Variants in SHANK2 observed in about 807,000 individuals in gnomAD.
SHANK2 encodes SH3 and multiple ankyrin repeat domains 2, also known as SH3 and multiple ankyrin repeat domains protein 2.
A neutral mutation model predicts 133.7 loss-of-function variants in SHANK2; 43 were observed. That is an observed-to-expected ratio of 0.32 (90% CI 0.25 to 0.41). The LOEUF is 0.41. Among genes scored for constraint, SHANK2 ranks in the 10% least tolerant of loss-of-function variants. SHANK2 has a pLI of 1.00. For missense variants in SHANK2, 1,994 were observed against 2,235.8 expected (o/e 0.89, Z 2.18); for synonymous variants, 1,017 against 952.8 (o/e 1.07, Z -1.24).
rs1010094185 is a variant in SHANK2 at position 70,468,972 on chromosome 11, G to A, written c.*3897C>T. Reference sequence around the variant, plus strand: ...TCTCTTGCTCCAAGCCTTAGCATGTGGTTTGCTTGTCAACCAGAGAGGCGG... The same window carrying A: ...TCTCTTGCTCCAAGCCTTAGCATGTAGTTTGCTTGTCAACCAGAGAGGCGG... On this transcript the variant is annotated 3_prime_UTR_variant, in exon 26 of 26. Transcript: ENST00000601538. 6.6e-6 allele frequency: 1 copy of A among 152,272 alleles called. No individual in the cohort carries two copies. The highest frequency in any genetic ancestry group is 2.1e-4 in the South Asian group (1 of 4,832). The allele number at this position is 152,272 out of a possible 1,614,324, so 9.4% of individuals were successfully genotyped here. A position where few individuals can be genotyped will look rare whatever the true frequency, so the allele number is the denominator to read the frequency against.
At chr11:71,083,098 C>T (rs1951323665) in intron 8 of SHANK2, among the ~76,000 whole-genome samples, 1 of 152,166 alleles carries the variant, frequency 6.6e-6, no homozygotes, top group African/African-American at 2.4e-5. Flanking sequence ...GAATGTGCCA[C>T]CATGCCCTAA....
At chr11:71,162,589 A>C (rs1953043435) in intron 2 of SHANK2, among the ~76,000 whole-genome samples, 1 of 152,260 alleles carries the variant, frequency 6.6e-6, no homozygotes, top group Non-Finnish European at 1.5e-5. Context: ...ATACGTTGGC[A>C]TGTGACAGTG....
At chr11:71,132,001 G>A (rs1244983746) in intron 3 of SHANK2, among the ~76,000 whole-genome samples, 2 of 152,178 alleles carry the variant, frequency 1.3e-5, no homozygotes, top group African/African-American at 4.8e-5. Flanking sequence ...AGTCCAACTC[G>A]ATCCTGGCAG....
chr11:70,547,769 A>G (rs1435359723), intron 17 of SHANK2, among the ~76,000 whole-genome samples: 1 of 152,222 alleles, frequency 6.6e-6, no homozygotes, highest in Non-Finnish European at 1.5e-5. Flanking sequence ...ACTCTACGTA[A>G]TTGTCTTCCA....
chr11:70,616,081 G>A (rs972552319), intron 17 of SHANK2, among the ~76,000 whole-genome samples: 6 of 152,150 alleles, frequency 3.9e-5, no homozygotes, highest in South Asian at 2.1e-4. Flanking sequence ...TGTCCTTGCC[G>A]TTAGGATGCC....
chr11:70,922,757 C>T (rs1555080917), intron 10 of SHANK2, among the ~76,000 whole-genome samples: 1 of 151,870 alleles, frequency 6.6e-6, no homozygotes, highest in African/African-American at 2.4e-5. Flanking sequence ...GAATAAAAAG[C>T]AAATGGAAAA....
rs567150096 is a variant in SHANK2 at position 70,847,518 on chromosome 11, T to C, written c.1175-26836A>G. ...CCAGATCCCCTGCCAGGGAGGGTGC[T>C]GCCCCCCTACCCAACTCAGAATTTT... is the stretch of plus-strand genomic sequence containing the variant. On this transcript the variant is annotated intron_variant, in intron 11 of 25. Coordinates refer to ENST00000601538, the MANE Select transcript of SHANK2 (RefSeq NM_012309.5). 7.2e-5 allele frequency among the ~76,000 whole-genome samples: 11 copies of C among 152,316 alleles called. No individual in the cohort carries two copies. In the South Asian group the frequency reaches 2.1e-3, roughly 29 times the overall value.
chr11:70,574,059 C>T (rs2060085032), intron 17 of SHANK2, among the ~76,000 whole-genome samples: 3 of 152,186 alleles, frequency 2.0e-5, no homozygotes, highest in South Asian at 2.1e-4. Flanking sequence ...CTCCTACCAG[C>T]GCCGAGGGAT....
intron 6 of SHANK2, among the ~76,000 whole-genome samples, chr11:71,098,149 A>C (rs7936096): frequency 0.019 from 2,659 of 139,742 alleles, 72 homozygotes; most frequent in African/African-American, 0.069. Flanking sequence ...GTGTGCATGC[A>C]TGCCTGTGTG....
chr11:71,245,168 T>C (rs1555124805), intron 1 of SHANK2, among the ~76,000 whole-genome samples: 1 of 152,004 alleles, frequency 6.6e-6, no homozygotes, highest in Non-Finnish European at 1.5e-5. Flanking sequence ...TTTGTAGAGA[T>C]GGGGTCTCAT....
chr11:70,624,319 C>T (rs2060874422), intron 17 of SHANK2, among the ~76,000 whole-genome samples: 1 of 152,128 alleles, frequency 6.6e-6, no homozygotes, highest in East Asian at 1.9e-4. Flanking sequence ...AGCAACGCCC[C>T]CAGCCAATCC....
At chr11:71,068,024 A>G (rs1244920299) in intron 9 of SHANK2, among the ~76,000 whole-genome samples, 1 of 151,800 alleles carries the variant, frequency 6.6e-6, no homozygotes, top group East Asian at 1.9e-4. Flanking sequence ...CATCACTAGC[A>G]TCATCGCCAC....
At position 70,747,820 on chromosome 11, in the gene SHANK2, G is replaced by A. The variant is rs868937088; in HGVS notation, c.1778-49057C>T. On this transcript the variant is annotated intron_variant, in intron 14 of 25. Coordinates refer to ENST00000601538, the MANE Select transcript of SHANK2 (RefSeq NM_012309.5). ...TGTGCATGTTTGTGAGTGTCCACGT[G>A]TGCATGCATGCTGCACGGTGCATGT... Among the ~76,000 whole-genome samples the A allele has an allele frequency of 3.9e-5, 6 of 152,350 alleles. No homozygotes were observed. The South Asian group carries it at 1.2e-3, about 32-fold the overall frequency.
At chr11:70,558,625 G>A (rs894706841) in intron 17 of SHANK2, among the ~76,000 whole-genome samples, 4 of 152,220 alleles carry the variant, frequency 2.6e-5, no homozygotes, top group African/African-American at 4.8e-5. Context: ...GGGAGGCCAC[G>A]TGGGGAGGTA....
Position 70,486,450 on chromosome 11 carries a change from C to T in SHANK2, c.3843G>A (p.Lys1281=). Residue 1281 remains lysine, a synonymous_variant, in exon 25 of 26, where the codon AAG becomes AAA. Transcript: ENST00000601538. The surrounding 1 kb of genome is among the most constrained non-coding windows in gnomAD (Gnocchi z 8.0). ...GGTCTCGGCCCAGGTCGGTCTCGTA[C>T]TTGTTCTCCGTCTCCTGCCGCCTCA... The part of the protein sequence containing the change: ...GPLRRQETEN[K]YETDLGRDRK... 1 of 1,614,154 alleles carries T rather than the reference C, an allele frequency of 6.2e-7. No homozygotes were observed. The highest frequency in any genetic ancestry group is 8.5e-7 in the Non-Finnish European group (1 of 1,180,042).
At chr11:70,734,962 G>C (rs1401638722) in intron 14 of SHANK2, among the ~76,000 whole-genome samples, 1 of 152,190 alleles carries the variant, frequency 6.6e-6, no homozygotes, top group Non-Finnish European at 1.5e-5. Context: ...GGGGATTCTG[G>C]GTTGCCCTGG....
intron 2 of SHANK2, among the ~76,000 whole-genome samples, chr11:71,208,321 GT>G (rs199838332): frequency 6.6e-6 from 1 of 152,038 alleles, no homozygotes; most frequent in African/African-American, 2.4e-5. Flanking sequence ...AGATGGGGAA[GT>G]TGGGGGGAGA....
intron 14 of SHANK2, among the ~76,000 whole-genome samples, chr11:70,782,754 C>T (rs1947532628): frequency 6.6e-6 from 1 of 152,210 alleles, no homozygotes; most frequent in African/African-American, 2.4e-5. Flanking sequence ...CAAACAGCCA[C>T]CCAATACATG....
At chr11:71,200,240 C>T (rs1555116866) in intron 2 of SHANK2, among the ~76,000 whole-genome samples, 1 of 152,190 alleles carries the variant, frequency 6.6e-6, no homozygotes, top group Admixed American at 6.5e-5. Context: ...TGTCTGGCTC[C>T]TTTCACCACA....
Sources: gnomAD v4.1 joint callset for allele counts (sites outside exome capture counted in the v4.1 genomes callset) on GRCh38, gnomAD v4.1.1 for gene constraint, Gnocchi (gnomAD v3.1) non-coding constraint, MANE v1.5 for transcripts, NCBI Gene and HGNC (gene_info 2026-07-23, HGNC 2026-07-21) for gene names.